Variants in PAICS observed in about 807,000 individuals in gnomAD.
The protein encoded by PAICS is phosphoribosylaminoimidazole carboxylase and phosphoribosylaminoimidazolesuccinocarboxamide synthase.
Under a neutral mutation model 53.7 loss-of-function variants are expected in PAICS, and 33 were observed. That is an observed-to-expected ratio of 0.61 (90% CI 0.47 to 0.82). The LOEUF (loss-of-function observed/expected upper bound fraction) is 0.82. PAICS is among the 40% of genes least tolerant of loss of function. PAICS has a pLI of 0.00. For synonymous variants in PAICS, 141 were observed against 167.2 expected (o/e 0.84, Z 1.21); for missense variants, 394 against 494.1 (o/e 0.80, Z 1.92).
intron 8 of PAICS, among the ~76,000 whole-genome samples, chr4:56,456,216 T>C (rs4865102): frequency 0.37 from 55,789 of 151,970 alleles, 11,538 homozygotes; most frequent in East Asian, 0.67. Context: ...CTCAACCTCC[T>C]GAGTACCTGG....
At chr4:56,432,295 A>T (rs1452448423), upstream of PAICS, among the ~76,000 whole-genome samples, 3 of 152,102 alleles carry the variant, frequency 2.0e-5, no homozygotes, top group Admixed American at 6.5e-5. Context: ...TGGGAGACCG[A>T]AGAGGGTGGA....
rs534909183 is a variant in PAICS at position 56,451,532 on chromosome 4, C to T, written c.772-340C>T. On this transcript the variant is annotated intron_variant, in intron 6 of 8. Transcript: ENST00000512576. ...ATGACTTCTGATTTGGCTAATCATA[C>T]CTTAAAGCTTCCATTAAACAAAGTG... is the stretch of plus-strand genomic sequence containing the variant. Among the ~76,000 whole-genome samples, 4 of 152,156 alleles carry T rather than the reference C, an allele frequency of 2.6e-5. No homozygotes were observed. The South Asian group carries it at 8.3e-4, about 32-fold the overall frequency.
chr4:56,447,748 T>C (rs973338416), intron 3 of PAICS, among the ~76,000 whole-genome samples: 1 of 152,172 alleles, frequency 6.6e-6, no homozygotes, highest in African/African-American at 2.4e-5. Context: ...CCTAAATACT[T>C]TGAATTTTAA....
upstream of PAICS, among the ~76,000 whole-genome samples, chr4:56,432,002 TAAAA>T (rs1318743341): frequency 6.6e-6 from 1 of 152,182 alleles, no homozygotes; most frequent in Non-Finnish European, 1.5e-5. Flanking sequence ...CCAGAACTAC[TAAAA>T]ACGGGGAGTA....
chr4:56,432,591 C>T (rs1368105127), upstream of PAICS, among the ~76,000 whole-genome samples: 9 of 150,760 alleles, frequency 6.0e-5, no homozygotes, highest in Non-Finnish European at 8.8e-5. Flanking sequence ...CGAGACCATC[C>T]TGGCTAACAC....
chr4:56,419,861 C>T, the PAICS span: 1 of 984,626 alleles, frequency 1.0e-6, no homozygotes, highest in Non-Finnish European at 1.2e-6. Context: ...AATACAAAAA[C>T]CTAAAACACG....
rs1719037370 is a variant in PAICS at position 56,453,624 on chromosome 4, T to C, written c.974T>C (p.Phe325Ser). The C allele has an allele frequency of 1.3e-6, 2 of 1,595,604 alleles. No individual in the cohort carries two copies. Among genetic ancestry groups the C allele is most frequent in the Non-Finnish European group, 1.7e-6 (2 of 1,170,396 alleles). ...CTAGGGGATGGCATTCCTACTGTAT[T>C]TGTGGCAGTGGCAGGCAGAAGTAAT... ...EYEGDGIPTV[F>S]VAVAGRSNGL... Residue 325 changes from phenylalanine to serine, a missense_variant, in exon 8 of 9, where the codon TTT becomes TCT. By Grantham distance (155) the Phe-to-Ser change is radical (BLOSUM62 -2). Coordinates refer to ENST00000512576, the MANE Select transcript of PAICS (RefSeq NM_001079524.2).
Position 56,448,424 on chromosome 4 carries a change from G to T in PAICS, c.400G>T (p.Ala134Ser). The T allele has an allele frequency of 1.3e-6, 2 of 1,581,838 alleles. No individual in the cohort carries two copies. The highest frequency in any genetic ancestry group is 1.7e-6 in the Non-Finnish European group (2 of 1,162,308). Reference protein sequence around the residue: ...PKVELFFKDDANNDPQWSEEQ... With the variant: ...PKVELFFKDDSNNDPQWSEEQ... The stretch of plus-strand genomic sequence containing the variant: ...TACTATACTTTATTCACAGGATGAT[G>T]CCAATAATGACCCACAGTGGTCTGA... Residue 134 changes from alanine (A) to serine (S), a missense_variant, in exon 4 of 9, where the codon GCC (alanine) becomes TCC (serine). Transcript: ENST00000512576.
the PAICS span, chr4:56,429,045 AAAC>A: frequency 1.7e-6 from 1 of 604,314 alleles, no homozygotes; most frequent in Non-Finnish European, 2.1e-6. Flanking sequence ...CACACAGTGG[AAAC>A]AACTTGTTGC....
chr4:56,462,204 GAC>G lies in PAICS; in HGVS notation c.*2672_*2673del, dbSNP rs1719542821. 1 of 152,208 alleles carries G rather than the reference GAC, an allele frequency of 6.6e-6. No individual in the cohort carries two copies. The highest frequency in any genetic ancestry group is 1.9e-4 in the East Asian group (1 of 5,198). 9.4% of individuals were successfully genotyped at this position (152,208 alleles called of 1,614,324 possible). On this transcript the variant is annotated 3_prime_UTR_variant, in exon 9 of 9. Coordinates refer to ENST00000512576, the MANE Select transcript of PAICS (RefSeq NM_001079524.2). Reference sequence around the variant, plus strand: ...GAGCAGAGCAATGATGTAAAAGCAAGACACACAGATAGGGAAATAGCTTTCCA... The same window carrying G: ...GAGCAGAGCAATGATGTAAAAGCAAGACACAGATAGGGAAATAGCTTTCCA...
the PAICS span, among the ~76,000 whole-genome samples, chr4:56,427,584 A>C: frequency 6.6e-6 from 1 of 151,482 alleles, no homozygotes; most frequent in Non-Finnish European, 1.5e-5. Context: ...AGGCAGGAGG[A>C]TCGCTTGAGC....
At chr4:56,426,141 G>A in the PAICS span, among the ~76,000 whole-genome samples, 8 of 152,270 alleles carry the variant, frequency 5.3e-5, no homozygotes, top group Non-Finnish European at 1.2e-4. Context: ...GGTGGCTAAC[G>A]CCTGTAATCC....
chr4:56,435,596 C>A, upstream of PAICS: 1 of 1,547,520 alleles, frequency 6.5e-7, no homozygotes, highest in East Asian at 2.3e-5. Flanking sequence ...TCTTCCTTCC[C>A]GAGGGTGGCC....
chr4:56,437,819 CAAAAA>C (rs869109998), intron 1 of PAICS, among the ~76,000 whole-genome samples: 2 of 21,592 alleles, frequency 9.3e-5, no homozygotes, highest in South Asian at 2.0e-3. Flanking sequence ...GACTCTGTCT[CAAAAA>C]AAAAAAAAAA....
At chr4:56,431,490 T>C, upstream of PAICS, 2 of 978,494 alleles carry the variant, frequency 2.0e-6, no homozygotes, top group Non-Finnish European at 2.4e-6. Context: ...CAAAGCGTAA[T>C]AACAGAACCA....
chr4:56,461,436 T>A lies in PAICS; in HGVS notation c.*1898T>A, dbSNP rs902777287. 3.9e-5 allele frequency: 6 copies of A among 152,218 alleles called. No homozygotes were observed. The highest frequency in any genetic ancestry group is 9.6e-5 in the African/African-American group (4 of 41,458). The allele number at this position is 152,218 out of a possible 1,614,324, so 9.4% of individuals were successfully genotyped here. A position where few individuals can be genotyped will look rare whatever the true frequency, so the allele number is the denominator to read the frequency against. On this transcript the variant is annotated 3_prime_UTR_variant, in exon 9 of 9. Transcript: ENST00000512576. Reference sequence around the variant, plus strand: ...ACCCTTACCTAGCATTAAGACTCCATCTACTTCTGTGCAGTATATGAAAAT... The same window carrying A: ...ACCCTTACCTAGCATTAAGACTCCAACTACTTCTGTGCAGTATATGAAAAT...
rs956462294 is a variant in PAICS at position 56,446,970 on chromosome 4, T to C, written c.393+97T>C. 1.2e-5 allele frequency: 8 copies of C among 687,978 alleles called. No homozygotes were observed. The African/African-American group carries it at 1.3e-4, about 11-fold the overall frequency. The allele number at this position is 687,978 out of a possible 1,614,324, so 42.6% of individuals were successfully genotyped here. A position where few individuals can be genotyped will look rare whatever the true frequency, so the allele number is the denominator to read the frequency against. On this transcript the variant is annotated intron_variant, in intron 3 of 8. Transcript: ENST00000512576. ...GGTTTAAATATTCAAGCAAAGTTTT[T>C]GATATTTTGATATTGCAAATGTCAT...
intron 1 of PAICS, among the ~76,000 whole-genome samples, chr4:56,441,277 A>C (rs925905901): frequency 6.6e-6 from 1 of 152,156 alleles, no homozygotes; most frequent in African/African-American, 2.4e-5. Flanking sequence ...CATTACTTTA[A>C]GTGGGTCTTA....
chr4:56,443,913 A>G (rs753373439), intron 2 of PAICS, among the ~76,000 whole-genome samples: 5 of 152,244 alleles, frequency 3.3e-5, no homozygotes, highest in African/African-American at 7.2e-5. Context: ...TAACTGGTTC[A>G]CAGGAAATGT....
Sources: allele counts gnomAD v4.1 joint callset (sites outside exome capture counted in the v4.1 genomes callset), GRCh38; gene constraint gnomAD v4.1.1; transcripts MANE v1.5; gene names NCBI Gene and HGNC (gene_info 2026-07-23, HGNC 2026-07-21).